COL8A1: variants seen among roughly 807,000 people sequenced by gnomAD.
COL8A1 encodes the protein collagen alpha-1(VIII) chain.
COL8A1 carries 21 observed loss-of-function variants against 42.7 expected under a neutral mutation model. The observed-to-expected ratio is 0.49, with a 90% CI of 0.35 to 0.71. The LOEUF (loss-of-function observed/expected upper bound fraction) is 0.71, where lower values mean the gene tolerates loss of function less well. COL8A1 is among the 30% of genes least tolerant of loss of function. The pLI is 0.01. For synonymous variants in COL8A1, 367 were observed against 369.1 expected (o/e 0.99, Z 0.06); for missense variants, 788 against 962.4 (o/e 0.82, Z 2.40).
At chr3:99,711,252 C>A (rs930304395) in intron 1 of COL8A1, among the ~76,000 whole-genome samples, 2 of 152,060 alleles carry the variant, frequency 1.3e-5, no homozygotes, top group Non-Finnish European at 2.9e-5. Flanking sequence ...GAAGAAACAA[C>A]AAACAAGAGA....
Position 99,711,717 on chromosome 3 carries a change from T to C in COL8A1, c.-128-33180T>C, listed in dbSNP as rs558790871. On this transcript the variant is annotated intron_variant, in intron 1 of 3. Coordinates refer to ENST00000652472, the MANE Select transcript of COL8A1 (RefSeq NM_020351.4). ...GCTTAGCAGCAAATTGATGCAATCA[T>C]AGGAAAAAGGTGAATTTTACTTTGA... Among the ~76,000 whole-genome samples the C allele has an allele frequency of 7.9e-5, 12 of 152,254 alleles. No individual in the cohort carries two copies. The South Asian group carries it at 2.3e-3, about 29-fold the overall frequency.
chr3:99,724,147 A>G (rs1395273586), intron 1 of COL8A1, among the ~76,000 whole-genome samples: 1 of 152,116 alleles, frequency 6.6e-6, no homozygotes, highest in Non-Finnish European at 1.5e-5. Context: ...TGGATGCTCA[A>G]AAAATAATCC....
chr3:99,677,759 A>G (rs1448696860), intron 1 of COL8A1: 2 of 152,154 alleles, frequency 1.3e-5, no homozygotes, highest in African/African-American at 4.8e-5. Flanking sequence ...AGACGTTTCC[A>G]TACAGTTCCT....
At chr3:99,731,536 G>A (rs1269735767) in intron 1 of COL8A1, among the ~76,000 whole-genome samples, 1 of 152,056 alleles carries the variant, frequency 6.6e-6, no homozygotes, top group Non-Finnish European at 1.5e-5. Context: ...GTGCCATGGG[G>A]AGCTATTGGG....
intron 1 of COL8A1, among the ~76,000 whole-genome samples, chr3:99,689,135 G>A (rs1318106692): frequency 6.6e-6 from 1 of 152,088 alleles, no homozygotes; most frequent in African/African-American, 2.4e-5. Context: ...AATTTAAAAG[G>A]GCAAGTGTAA....
intron 1 of COL8A1, among the ~76,000 whole-genome samples, chr3:99,736,966 G>A (rs551441668): frequency 1.6e-4 from 25 of 152,292 alleles, no homozygotes; most frequent in Non-Finnish European, 1.5e-5. Context: ...TTGTTGAATT[G>A]ATCCCTTTAC....
intron 1 of COL8A1, among the ~76,000 whole-genome samples, chr3:99,682,025 T>C (rs1197350395): frequency 6.6e-6 from 1 of 152,194 alleles, no homozygotes; most frequent in Non-Finnish European, 1.5e-5. Context: ...CAGTTTTCTT[T>C]GGAATAAGAA....
rs1373406338 is a variant in COL8A1, at chr3:99,737,921, A to G, written c.-128-6976A>G. ...CCCATATTTCTTGGAGGCTTTGCTCATTTCTTTTTATTCTTTTTTCTCTAA... is the reference window on the plus strand; with the variant it reads ...CCCATATTTCTTGGAGGCTTTGCTCGTTTCTTTTTATTCTTTTTTCTCTAA... On this transcript the variant is annotated intron_variant, in intron 1 of 3. Transcript: ENST00000652472. Among the ~76,000 whole-genome samples the G allele has an allele frequency of 1.6e-3, 246 of 150,672 alleles. 1 individual carries two copies. The highest frequency in any genetic ancestry group is 2.9e-3 in the Non-Finnish European group (195 of 67,456).
chr3:99,721,321 A>G (rs557644058), intron 1 of COL8A1, among the ~76,000 whole-genome samples: 1 of 149,170 alleles, frequency 6.7e-6, no homozygotes, highest in African/African-American at 2.5e-5. Context: ...CCAGCCAGAG[A>G]GCAGAACACC....
At chr3:99,756,300 T>G (rs1941253091) in intron 2 of COL8A1, among the ~76,000 whole-genome samples, 1 of 152,168 alleles carries the variant, frequency 6.6e-6, no homozygotes. Flanking sequence ...TCCAAGAATC[T>G]TTAGAAAATG....
At chr3:99,670,956 G>T (rs1231162546) in intron 1 of COL8A1, among the ~76,000 whole-genome samples, 1 of 151,906 alleles carries the variant, frequency 6.6e-6, no homozygotes, top group Non-Finnish European at 1.5e-5. Flanking sequence ...GTGTGTGTGT[G>T]TGTGTGTGTT....
chr3:99,765,134 GCAATGTAA>G (rs1200418985), intron 2 of COL8A1, among the ~76,000 whole-genome samples: 4 of 152,092 alleles, frequency 2.6e-5, no homozygotes, highest in African/African-American at 4.8e-5. Flanking sequence ...CCAAGTGTAG[GCAATGTAA>G]CAAGTTACAT....
chr3:99,751,769 A>G (rs1188834982), intron 2 of COL8A1, among the ~76,000 whole-genome samples: 3 of 152,214 alleles, frequency 2.0e-5, no homozygotes, highest in Admixed American at 1.3e-4. Flanking sequence ...CACATTCACA[A>G]TGAACACTTA....
intron 2 of COL8A1, among the ~76,000 whole-genome samples, chr3:99,777,540 T>G (rs971290931): frequency 1.3e-5 from 2 of 152,216 alleles, no homozygotes; most frequent in Non-Finnish European, 2.9e-5. Context: ...AGACACACTT[T>G]CTGGTATTTA....
At chr3:99,766,907 C>A (rs1316669870) in intron 2 of COL8A1, among the ~76,000 whole-genome samples, 1 of 151,954 alleles carries the variant, frequency 6.6e-6, no homozygotes, top group Admixed American at 6.5e-5. Flanking sequence ...CAATATCGTG[C>A]CATTGCACTC....
chr3:99,662,098 GC>G (rs1250837335), intron 1 of COL8A1, among the ~76,000 whole-genome samples: 1 of 152,152 alleles, frequency 6.6e-6, no homozygotes, highest in Non-Finnish European at 1.5e-5. Flanking sequence ...GTTAATATGG[GC>G]CGAGCACGGT....
intron 1 of COL8A1, among the ~76,000 whole-genome samples, chr3:99,713,774 A>C (rs1939912113): frequency 8.2e-6 from 1 of 121,380 alleles, no homozygotes; most frequent in African/African-American, 3.1e-5. Context: ...AAGTTCTGGG[A>C]ATGGATTTGT....
At chr3:99,748,988 G>A (rs559405552) in intron 2 of COL8A1, among the ~76,000 whole-genome samples, 2 of 152,144 alleles carry the variant, frequency 1.3e-5, no homozygotes, top group Admixed American at 1.3e-4. Context: ...TAAACTGTTA[G>A]GCTGATATAT....
intron 2 of COL8A1, among the ~76,000 whole-genome samples, chr3:99,787,245 C>T (rs1183563271): frequency 2.0e-5 from 3 of 152,148 alleles, no homozygotes; most frequent in Non-Finnish European, 4.4e-5. Flanking sequence ...CATTACAGGT[C>T]ATATGAGGAA....
Sources: allele counts gnomAD v4.1 joint callset (sites outside exome capture counted in the v4.1 genomes callset), GRCh38; gene constraint gnomAD v4.1.1; transcripts MANE v1.5; gene names NCBI Gene and HGNC (gene_info 2026-07-23, HGNC 2026-07-21).